NYAP2: variants seen among roughly 807,000 people sequenced by gnomAD.
The protein encoded by NYAP2 is neuronal tyrosine-phosphorylated phosphoinositide-3-kinase adapter 2.
A neutral mutation model predicts 50.4 loss-of-function variants in NYAP2; 23 were observed. The observed-to-expected ratio is 0.46, with a 90% CI of 0.33 to 0.65. NYAP2 has a LOEUF of 0.65. Among genes scored for constraint, NYAP2 ranks in the 30% least tolerant of loss-of-function variants. The pLI, the probability that NYAP2 is intolerant of heterozygous loss-of-function variation, is 0.02. For missense variants in NYAP2, 885 were observed against 861.0 expected, an observed-to-expected ratio of 1.03 and a Z score of -0.35; for synonymous variants, 394 against 365.2, an observed-to-expected ratio of 1.08 and a Z score of -0.90.
intron 3 of NYAP2, among the ~76,000 whole-genome samples, chr2:225,434,976 C>T (rs1365274606): frequency 6.6e-6 from 1 of 152,212 alleles, no homozygotes; most frequent in East Asian, 1.9e-4. Flanking sequence ...AGCTATTGTG[C>T]AACTAGCTGA....
At chr2:225,514,628 C>T (rs1245033713) in intron 4 of NYAP2, among the ~76,000 whole-genome samples, 1 of 152,106 alleles carries the variant, frequency 6.6e-6, no homozygotes, top group Non-Finnish European at 1.5e-5. Flanking sequence ...CTTTCTACCT[C>T]CACATACAAT....
intron 3 of NYAP2, among the ~76,000 whole-genome samples, chr2:225,446,147 C>T (rs1689550915): frequency 6.6e-6 from 1 of 150,760 alleles, no homozygotes; most frequent in South Asian, 2.1e-4. Context: ...CACCACTGCA[C>T]TCCAGCCTGG....
the NYAP2 span, among the ~76,000 whole-genome samples, chr2:225,675,553 T>G: frequency 6.6e-6 from 1 of 152,184 alleles, no homozygotes; most frequent in African/African-American, 2.4e-5. Flanking sequence ...CCACTGTTTA[T>G]GGGCACTTAG....
At chr2:225,627,239 A>ATATCT in intron 6 of NYAP2, 113 bp downstream of exon 6, 1 of 786,906 alleles carries the variant, frequency 1.3e-6, no homozygotes, top group Non-Finnish European at 2.1e-6. Context: ...GCACACAGAG[A>ATATCT]GGCACCACAA....
At chr2:225,514,568 T>C (rs1690893310) in intron 4 of NYAP2, among the ~76,000 whole-genome samples, 1 of 152,266 alleles carries the variant, frequency 6.6e-6, no homozygotes, top group East Asian at 1.9e-4. Flanking sequence ...CTCCCTGGCC[T>C]CTTCGTAGGA....
At chr2:225,591,153 G>T (rs949175853) in intron 5 of NYAP2, among the ~76,000 whole-genome samples, 3 of 152,220 alleles carry the variant, frequency 2.0e-5, no homozygotes, top group Non-Finnish European at 2.9e-5. Flanking sequence ...CAGAACAAAG[G>T]TGTGCTATCT....
intron 3 of NYAP2, among the ~76,000 whole-genome samples, chr2:225,421,191 T>A (rs1695209390): frequency 6.6e-6 from 1 of 152,188 alleles, no homozygotes; most frequent in African/African-American, 2.4e-5. Context: ...GAGACAGGCA[T>A]GAGTCACCAC....
chr2:225,677,383 T>C, the NYAP2 span, among the ~76,000 whole-genome samples: 1 of 152,134 alleles, frequency 6.6e-6, no homozygotes. Flanking sequence ...CTTCTTTTCC[T>C]GTTTGGATGT....
intron 4 of NYAP2, among the ~76,000 whole-genome samples, chr2:225,525,354 T>C (rs915133573): frequency 8.5e-5 from 13 of 152,110 alleles, no homozygotes; most frequent in Admixed American, 2.6e-4. Flanking sequence ...ATAACAAAGA[T>C]ATGGAATCAA....
At chr2:225,409,501 T>C (rs890473994) in intron 3 of NYAP2, among the ~76,000 whole-genome samples, 9 of 152,098 alleles carry the variant, frequency 5.9e-5, no homozygotes, top group African/African-American at 2.2e-4. Context: ...GCTCATCTTC[T>C]TTCTAGATTA....
At chr2:225,585,242 G>T (rs536616837) in intron 5 of NYAP2, among the ~76,000 whole-genome samples, 2 of 152,296 alleles carry the variant, frequency 1.3e-5, no homozygotes, top group East Asian at 3.9e-4. Flanking sequence ...AATACATAAT[G>T]GGTATTGTGA....
intron 6 of NYAP2, among the ~76,000 whole-genome samples, chr2:225,641,824 A>G (rs750602352): frequency 3.9e-5 from 6 of 152,182 alleles, no homozygotes; most frequent in Non-Finnish European, 5.9e-5. Flanking sequence ...ATCTCAAAAA[A>G]TAAAAAAAGA....
rs1478275581 is a variant in NYAP2 at position 225,582,614 on chromosome 2, G to A, written c.1197G>A (p.Ala399=). 13 of 1,593,776 alleles carry A rather than the reference G, an allele frequency of 8.2e-6. No homozygotes were observed. The highest frequency in any genetic ancestry group is 2.7e-5 in the African/African-American group (2 of 74,102). ...CGAAACTGGAGAAAGAGCAGGCCGC[G>A]GCCCTGGGACCTGCCTCTGCCACCC... The change falls in exon 5 of 7, where the codon GCG becomes GCA. Residue 399 remains alanine, a synonymous_variant. Coordinates refer to ENST00000636099, the Ensembl canonical transcript of NYAP2. The surrounding 1 kb of genome is among the most constrained non-coding windows in gnomAD (Gnocchi z 7.0).
intron 3 of NYAP2, among the ~76,000 whole-genome samples, chr2:225,461,151 A>G (rs911197858): frequency 2.6e-5 from 4 of 152,160 alleles, no homozygotes; most frequent in Admixed American, 2.6e-4. Context: ...CCCTCTAAAT[A>G]AATGCCAGAT....
chr2:225,460,080 A>G (rs1689802555), intron 3 of NYAP2, among the ~76,000 whole-genome samples: 1 of 152,200 alleles, frequency 6.6e-6, no homozygotes, highest in African/African-American at 2.4e-5. Flanking sequence ...ATTGTCTCTT[A>G]TTCACTCCTC....
At chr2:225,538,826 CTTTCTTTCTTTCTTTCTTTCT>C (rs1559208706) in intron 4 of NYAP2, among the ~76,000 whole-genome samples, 4 of 72,386 alleles carry the variant, frequency 5.5e-5, no homozygotes, top group Non-Finnish European at 1.2e-4. Context: ...TTCTTTCTTT[CTTTCTTTCTTTCTTTCTTTCT>C]TTGTTTTTAT....
intron 3 of NYAP2, among the ~76,000 whole-genome samples, chr2:225,482,528 A>G (rs1205289399): frequency 6.6e-6 from 1 of 152,178 alleles, no homozygotes; most frequent in African/African-American, 2.4e-5. Flanking sequence ...GCTACTAATG[A>G]TGGGTCACTT....
At chr2:225,624,898 G>A (rs1157491072) in intron 5 of NYAP2, among the ~76,000 whole-genome samples, 2 of 151,900 alleles carry the variant, frequency 1.3e-5, no homozygotes, top group African/African-American at 4.8e-5. Flanking sequence ...TTGCAAAGCT[G>A]AGGCCTCTGA....
intron 3 of NYAP2, among the ~76,000 whole-genome samples, chr2:225,425,584 C>T (rs1166753034): frequency 6.6e-6 from 1 of 152,120 alleles, no homozygotes; most frequent in Non-Finnish European, 1.5e-5. Flanking sequence ...TTAAAGAGGC[C>T]TTTCTATTGT....
Sources: allele counts gnomAD v4.1 joint callset (sites outside exome capture counted in the v4.1 genomes callset), GRCh38; gene constraint gnomAD v4.1.1; non-coding constraint Gnocchi (gnomAD v3.1); transcripts MANE v1.5; gene names NCBI Gene and HGNC (gene_info 2026-07-23, HGNC 2026-07-21).